The following ARL15 variants were observed in gnomAD, a reference collection of about 807,000 sequenced individuals.
The protein encoded by ARL15 is ARF like GTPase 15, also known as ADP-ribosylation factor-like protein 15.
ARL15 carries 19 observed loss-of-function variants against 25.2 expected under a neutral mutation model. The ratio of observed to expected loss-of-function variants is 0.75; its 90% CI spans 0.53 to 1.10. ARL15 has a LOEUF of 1.10. Ranked by LOEUF, ARL15 falls within the 50% of genes least tolerant of loss-of-function variation. The pLI is 0.00. For synonymous variants in ARL15, 94 were observed against 86.8 expected, an observed-to-expected ratio of 1.08 and a Z score of -0.46; for missense variants, 220 against 246.0, an observed-to-expected ratio of 0.89 and a Z score of 0.71.
intron 1 of ARL15, among the ~76,000 whole-genome samples, chr5:54,211,907 G>A (rs1186857971): frequency 6.6e-6 from 1 of 152,178 alleles, no homozygotes; most frequent in East Asian, 1.9e-4. Context: ...TACTTAACCA[G>A]AAAAGAGTAA....
chr5:54,308,183 G>C lies in ARL15; in HGVS notation c.48+2249C>G, dbSNP rs529999753. Among the ~76,000 whole-genome samples the C allele has an allele frequency of 4.6e-5, 7 of 152,278 alleles. No homozygotes were observed. In the South Asian group the frequency reaches 1.5e-3, roughly 32 times the overall value. On this transcript the variant is annotated intron_variant, in intron 1 of 4. Coordinates refer to ENST00000504924, the MANE Select transcript of ARL15 (RefSeq NM_019087.3). Reference sequence around the variant, plus strand: ...CAAAAAGGCTACCTCGGGAGGGCTAGTTTTTTGTTTTGAGATGGTTTTTCT... The same window carrying C: ...CAAAAAGGCTACCTCGGGAGGGCTACTTTTTTGTTTTGAGATGGTTTTTCT...
intron 4 of ARL15, chr5:53,951,614 T>C (rs765687015): frequency 2.2e-6 from 1 of 463,938 alleles, no homozygotes; most frequent in South Asian, 1.6e-5. Context: ...TGGAAAACCT[T>C]ACTTACTCCT....
chr5:53,898,658 C>A (rs142806583), intron 4 of ARL15, among the ~76,000 whole-genome samples: 1 of 151,718 alleles, frequency 6.6e-6, no homozygotes, highest in Non-Finnish European at 1.5e-5. Flanking sequence ...CGCTGCCCCC[C>A]CTACCCCCGA....
At chr5:54,287,069 G>T (rs1325839886) in intron 1 of ARL15, among the ~76,000 whole-genome samples, 1 of 151,872 alleles carries the variant, frequency 6.6e-6, no homozygotes, top group African/African-American at 2.4e-5. Context: ...TTGTAGAGAT[G>T]AGTTCTCACT....
chr5:54,091,244 C>T (rs1752119045), intron 4 of ARL15, among the ~76,000 whole-genome samples: 1 of 152,104 alleles, frequency 6.6e-6, no homozygotes, highest in Non-Finnish European at 1.5e-5. Context: ...AAAGTGTCAA[C>T]ACTCCCAAGA....
intron 4 of ARL15, among the ~76,000 whole-genome samples, chr5:54,107,241 T>C (rs1752616682): frequency 6.6e-6 from 1 of 152,024 alleles, no homozygotes; most frequent in Admixed American, 6.6e-5. Flanking sequence ...TCCTCCTGGC[T>C]CCCTCCCACA....
chr5:54,132,190 T>G (rs1753459150), intron 3 of ARL15, among the ~76,000 whole-genome samples: 1 of 152,164 alleles, frequency 6.6e-6, no homozygotes, highest in Non-Finnish European at 1.5e-5. Context: ...TGTATATGGA[T>G]GAACACACAA....
intron 1 of ARL15, among the ~76,000 whole-genome samples, chr5:54,275,851 A>AT (rs758344540): frequency 0.4 from 55,157 of 136,832 alleles, 14,192 homozygotes; most frequent in Non-Finnish European, 0.57. Context: ...CGCCTGGCTA[A>AT]TTTTTTTTTT....
At chr5:54,237,291 G>A (rs1756836036) in intron 1 of ARL15, among the ~76,000 whole-genome samples, 1 of 152,164 alleles carries the variant, frequency 6.6e-6, no homozygotes, top group South Asian at 2.1e-4. Flanking sequence ...TAAGTTTCCT[G>A]AGGCCTCACC....
intron 4 of ARL15, among the ~76,000 whole-genome samples, chr5:53,937,825 C>CAAA (rs34514317): frequency 4.9e-5 from 7 of 141,680 alleles, no homozygotes; most frequent in African/African-American, 1.3e-4. Flanking sequence ...TATGAAATGG[C>CAAA]AAAAAAAAAA....
chr5:54,073,291 C>G (rs921948857), intron 4 of ARL15, among the ~76,000 whole-genome samples: 2 of 152,162 alleles, frequency 1.3e-5, no homozygotes, highest in Non-Finnish European at 2.9e-5. Flanking sequence ...GTCAAGGGCT[C>G]AAAGTCATAT....
At chr5:54,223,124 G>A (rs553836024) in intron 1 of ARL15, among the ~76,000 whole-genome samples, 12 of 151,056 alleles carry the variant, frequency 7.9e-5, no homozygotes, top group South Asian at 4.2e-4. Flanking sequence ...AAATTATCAC[G>A]CATCATGTTA....
rs1418634449 is a variant in ARL15 at position 54,076,510 on chromosome 5, TAC to T, written c.462+36690_462+36691del. On this transcript the variant is annotated intron_variant, in intron 4 of 4. Coordinates refer to ENST00000504924, the MANE Select transcript of ARL15 (RefSeq NM_019087.3). ...AAAATTATGGATTCATATCATAATA[TAC>T]GTCAATATTAAATCCTTTCTGATAA... 2.6e-5 allele frequency among the ~76,000 whole-genome samples: 4 copies of T among 151,966 alleles called. No homozygotes were observed. In the East Asian group the frequency reaches 5.8e-4, roughly 22 times the overall value.
intron 4 of ARL15, among the ~76,000 whole-genome samples, chr5:54,038,232 C>T (rs1330619509): frequency 6.6e-6 from 1 of 152,068 alleles, no homozygotes; most frequent in Admixed American, 6.6e-5. Context: ...TTTATCCAAA[C>T]ATTATGCACT....
intron 3 of ARL15, among the ~76,000 whole-genome samples, chr5:54,124,881 T>C (rs1753196006): frequency 6.6e-6 from 1 of 152,094 alleles, no homozygotes; most frequent in African/African-American, 2.4e-5. Context: ...GACTCTAAGA[T>C]GACCTCCAAT....
chr5:54,212,717 T>G (rs969849191), intron 1 of ARL15, among the ~76,000 whole-genome samples: 2 of 152,222 alleles, frequency 1.3e-5, no homozygotes, highest in Non-Finnish European at 2.9e-5. Context: ...TATGCTTTCT[T>G]AGCTGTGAAC....
At chr5:53,970,249 G>T (rs1454674921) in intron 4 of ARL15, among the ~76,000 whole-genome samples, 1 of 152,096 alleles carries the variant, frequency 6.6e-6, no homozygotes, top group Non-Finnish European at 1.5e-5. Flanking sequence ...GTGCATAATA[G>T]CTATTGAATG....
At chr5:53,914,255 A>G (rs1024156313) in intron 4 of ARL15, among the ~76,000 whole-genome samples, 2 of 152,010 alleles carry the variant, frequency 1.3e-5, no homozygotes, top group African/African-American at 2.4e-5. Flanking sequence ...ATAGCAGTCT[A>G]TCCTCCAAAG....
At chr5:54,108,910 A>G (rs1336594077) in intron 4 of ARL15, among the ~76,000 whole-genome samples, 1 of 151,904 alleles carries the variant, frequency 6.6e-6, no homozygotes, top group South Asian at 2.1e-4. Flanking sequence ...TAAACTCTTC[A>G]TGCACAGAGT....
Sources: allele counts gnomAD v4.1 joint callset (sites outside exome capture counted in the v4.1 genomes callset), GRCh38; gene constraint gnomAD v4.1.1; transcripts MANE v1.5; gene names NCBI Gene and HGNC (gene_info 2026-07-23, HGNC 2026-07-21).